ZNF33A: variants seen among roughly 807,000 people sequenced by gnomAD.
ZNF33A encodes brain my041 protein.
In ZNF33A, 9 loss-of-function variants were observed where a neutral mutation model predicts 15.9. The observed-to-expected ratio is 0.57, with a 90% confidence interval of 0.34 to 0.99. The LOEUF (loss-of-function observed/expected upper bound fraction) is 0.99. Ranked by LOEUF, ZNF33A falls within the 50% of genes least tolerant of loss-of-function variation. The probability of loss-of-function intolerance (pLI) is 0.02; values close to 1 mark genes in which losing one functional copy is unlikely to be tolerated. For synonymous variants in ZNF33A, 294 were observed against 324.2 expected (o/e 0.91, Z 1.00); for missense variants, 843 against 941.6 (o/e 0.90, Z 1.37).
At chr10:38,063,947 A>T, downstream of ZNF33A, 1 of 680,358 alleles carries the variant, frequency 1.5e-6, no homozygotes, top group Non-Finnish European at 2.4e-6. Flanking sequence ...AAAGGTATCC[A>T]CTGCCTGGTG....
At chr10:38,017,065 G>C in intron 3 of ZNF33A, 50 bp downstream of exon 3, 2 of 1,578,032 alleles carry the variant, frequency 1.3e-6, no homozygotes, top group Middle Eastern at 1.7e-4. Flanking sequence ...TTATTCTTTT[G>C]ATTATGAAGC....
At chr10:38,060,458 A>C (rs900641204), downstream of ZNF33A, among the ~76,000 whole-genome samples, 20 of 152,168 alleles carry the variant, frequency 1.3e-4, no homozygotes, top group African/African-American at 4.3e-4. Context: ...TGGATAATAC[A>C]GCTGCTCGCC....
chr10:38,022,424 A>T (rs955999731), intron 4 of ZNF33A, among the ~76,000 whole-genome samples: 1 of 152,138 alleles, frequency 6.6e-6, no homozygotes, highest in Non-Finnish European at 1.5e-5. Flanking sequence ...TGGGAGGCCA[A>T]GGTGGGTGTA....
chr10:38,057,295 G>T lies in ZNF33A; in HGVS notation c.*735G>T, dbSNP rs2505229. The T allele has an allele frequency of 1.0e-6, 1 of 953,494 alleles. No individual in the cohort carries two copies. Among genetic ancestry groups the T allele is most frequent in the Non-Finnish European group, 1.3e-6 (1 of 799,632 alleles). 59.1% of individuals were successfully genotyped at this position (953,494 alleles called of 1,614,324 possible). On this transcript the variant is annotated 3_prime_UTR_variant, in exon 5 of 5. Coordinates refer to ENST00000432900, the MANE Select transcript of ZNF33A (RefSeq NM_006954.2). ...TCCCTTTTTGTATTAATAACCACAC[G>T]CTTTCTGCAACCCTATCCCTTGCAT...
At chr10:38,027,061 G>A (rs12269398) in intron 4 of ZNF33A, among the ~76,000 whole-genome samples, 4,154 of 152,158 alleles carry the variant, frequency 0.027, 138 homozygotes, top group African/African-American at 0.082. Flanking sequence ...GCTCTCACTT[G>A]CATTCCATTT....
intron 4 of ZNF33A, among the ~76,000 whole-genome samples, chr10:38,047,377 C>T (rs1043402369): frequency 1.3e-5 from 2 of 151,654 alleles, no homozygotes; most frequent in Non-Finnish European, 2.9e-5. Context: ...CCCCTGTAAT[C>T]CCAGCACTTT....
At position 38,060,032 on chromosome 10, in the gene ZNF33A, G is replaced by A; in HGVS notation, c.*3472G>A. The A allele has an allele frequency of 1.0e-6, 1 of 985,042 alleles. No individual in the cohort carries two copies. Among genetic ancestry groups the A allele is most frequent in the Non-Finnish European group, 1.2e-6 (1 of 829,604 alleles). The allele number at this position is 985,042 out of a possible 1,614,324, so 61.0% of individuals were successfully genotyped here. ...TACTCTAAAAAATGAAGTGTATCAA[G>A]TAAATAAATAACCAACCAACCAACC... is the stretch of plus-strand genomic sequence containing the variant. On this transcript the variant is annotated 3_prime_UTR_variant, in exon 5 of 5. Transcript: ENST00000432900.
At position 38,054,828 on chromosome 10, in the gene ZNF33A, A is replaced by G; in HGVS notation, c.704A>G (p.Asn235Ser). The change falls in exon 5 of 5, where the codon AAT (asparagine) becomes AGT (serine). Residue 235 changes from asparagine to serine, a missense_variant. Physicochemically the swap from Asn to Ser is conservative, Grantham distance 46. Coordinates refer to ENST00000432900, the MANE Select transcript of ZNF33A (RefSeq NM_006954.2). ...QETLLEKAVFNTQKRENAEEN... is the reference protein window; with the variant it reads ...QETLLEKAVFSTQKRENAEEN... ...ACCCTCCTTGAAAAGGCAGTATTCA[A>G]TACACAGAAGAGAGAGAACGCAGAA... 1 of 1,613,596 alleles carries G rather than the reference A, an allele frequency of 6.2e-7. No homozygotes were observed. The highest frequency in any genetic ancestry group is 8.5e-7 in the Non-Finnish European group (1 of 1,179,986).
intron 4 of ZNF33A, among the ~76,000 whole-genome samples, chr10:38,031,196 C>A (rs17609018): frequency 0.092 from 14,073 of 152,144 alleles, 872 homozygotes; most frequent in Non-Finnish European, 0.14. Context: ...TATAGTTCTG[C>A]AAATTGTTAC....
intron 4 of ZNF33A, among the ~76,000 whole-genome samples, chr10:38,024,129 G>C (rs1353769409): frequency 8.8e-6 from 1 of 114,128 alleles, no homozygotes; most frequent in Non-Finnish European, 1.7e-5. Flanking sequence ...ACCAGCTTGG[G>C]CAACAAGAGT....
At chr10:38,065,750 G>A (rs1363770910), downstream of ZNF33A, among the ~76,000 whole-genome samples, 3 of 146,850 alleles carry the variant, frequency 2.0e-5, no homozygotes, top group East Asian at 4.0e-4. Context: ...TTGCTCTTAT[G>A]CCCAGGCTGG....
chr10:38,010,557 C>A, upstream of ZNF33A: 1 of 793,176 alleles, frequency 1.3e-6, no homozygotes, highest in Non-Finnish European at 2.2e-6. Context: ...CACTTCTCTA[C>A]CAATCCGAAG....
In ZNF33A at chr10:38,054,440, G is replaced by C. The variant is rs764668162; in HGVS notation, c.316G>C (p.Val106Leu). The C allele has an allele frequency of 6.2e-7, 1 of 1,608,358 alleles. No individual in the cohort carries two copies. Among genetic ancestry groups the C allele is most frequent in the South Asian group, 1.1e-5 (1 of 89,352 alleles). Residue 106 changes from valine (V) to leucine (L), a missense_variant, in exon 5 of 5, where the codon GTT (valine) becomes CTT (leucine). Physicochemically the swap from Val to Leu is conservative, Grantham distance 32 (BLOSUM62 1). Coordinates refer to ENST00000432900, the MANE Select transcript of ZNF33A (RefSeq NM_006954.2). ...QENQSKHLWE[V>L]VFINNEMLTK... ...AAACCAATCTAAACATTTGTGGGAA[G>C]TTGTATTCATCAATAATGAAATGCT... is the stretch of plus-strand genomic sequence containing the variant.
intron 4 of ZNF33A, among the ~76,000 whole-genome samples, chr10:38,050,700 A>G (rs2066163526): frequency 6.6e-6 from 1 of 152,204 alleles, no homozygotes; most frequent in South Asian, 2.1e-4. Flanking sequence ...GTTGCACCCC[A>G]GAGAGGACCC....
Position 38,056,820 on chromosome 10 carries a change from T to A in ZNF33A, c.*260T>A. The A allele has an allele frequency of 8.7e-7, 1 of 1,151,486 alleles. No individual in the cohort carries two copies. Among genetic ancestry groups the A allele is most frequent in the Non-Finnish European group, 1.1e-6 (1 of 936,834 alleles). 71.3% of individuals were successfully genotyped at this position (1,151,486 alleles called of 1,614,324 possible). A position where few individuals can be genotyped will look rare whatever the true frequency, so the allele number is the denominator to read the frequency against. ...CTAAAGTGAAAATTTTGCTTAGAAA[T>A]AAAATACGACAAGTTATGTTTTGAG... On this transcript the variant is annotated 3_prime_UTR_variant, in exon 5 of 5. Coordinates refer to ENST00000432900, the MANE Select transcript of ZNF33A (RefSeq NM_006954.2).
At chr10:38,033,597 C>G (rs569274196) in intron 4 of ZNF33A, among the ~76,000 whole-genome samples, 1 of 152,214 alleles carries the variant, frequency 6.6e-6, no homozygotes, top group South Asian at 2.1e-4. Flanking sequence ...TCCAGTTTCT[C>G]TAGTTTGCAA....
At chr10:38,011,591 CAAA>C (rs1036989067) in intron 1 of ZNF33A, among the ~76,000 whole-genome samples, 2 of 151,964 alleles carry the variant, frequency 1.3e-5, no homozygotes, top group African/African-American at 4.8e-5. Context: ...AAAACAAAAA[CAAA>C]GAATTACCTA....
intron 4 of ZNF33A, among the ~76,000 whole-genome samples, chr10:38,032,394 AAATC>A (rs1422266255): frequency 6.6e-6 from 1 of 152,188 alleles, no homozygotes; most frequent in African/African-American, 2.4e-5. Context: ...TTACGTGTAT[AAATC>A]AATCATTGTT....
Position 38,056,033 on chromosome 10 carries a change from T to C in ZNF33A, c.1909T>C (p.Tyr637His), listed in dbSNP as rs547870130. 6.2e-7 allele frequency: 1 copy of C among 1,614,048 alleles called. No individual in the cohort carries two copies. The highest frequency in any genetic ancestry group is 1.1e-5 in the South Asian group (1 of 91,078). The change falls in exon 5 of 5, where the codon TAT becomes CAT. Residue 637 changes from tyrosine to histidine, a missense_variant. Transcript: ENST00000432900. The part of the protein sequence containing the change: ...HQRIHIGEKP[Y>H]KCNECGKAFC... ...GAGAATTCACATAGGGGAGAAACCCTATAAATGTAATGAGTGTGGAAAAGC... is the reference window on the plus strand; with the variant it reads ...GAGAATTCACATAGGGGAGAAACCCCATAAATGTAATGAGTGTGGAAAAGC...
Sources: allele counts gnomAD v4.1 joint callset (sites outside exome capture counted in the v4.1 genomes callset), GRCh38; gene constraint gnomAD v4.1.1; transcripts MANE v1.5; gene names NCBI Gene and HGNC (gene_info 2026-07-23, HGNC 2026-07-21).